Variants in CREB5 observed in about 807,000 individuals in gnomAD.
CREB5 encodes cyclic AMP-responsive element-binding protein 5.
A neutral mutation model predicts 57.1 loss-of-function variants in CREB5; 19 were observed. The observed-to-expected ratio is 0.33, with a 90% CI of 0.23 to 0.49. The LOEUF (loss-of-function observed/expected upper bound fraction) is 0.49. Ranked by LOEUF, CREB5 falls within the 20% of genes least tolerant of loss-of-function variation. CREB5 has a pLI of 0.99. For synonymous variants in CREB5, 238 were observed against 238.3 expected (o/e 1.00, Z 0.01); for missense variants, 579 against 671.6 (o/e 0.86, Z 1.52).
chr7:28,616,638 G>A (rs1401200327), intron 5 of CREB5, among the ~76,000 whole-genome samples: 1 of 151,948 alleles, frequency 6.6e-6, no homozygotes, highest in Non-Finnish European at 1.5e-5. Flanking sequence ...CAGAGTTAGT[G>A]GACTCCAGGC....
chr7:28,718,268 G>A (rs938015803), intron 5 of CREB5, among the ~76,000 whole-genome samples: 1 of 152,206 alleles, frequency 6.6e-6, no homozygotes, highest in Non-Finnish European at 1.5e-5. Context: ...GATTTCTGTT[G>A]GGAATTCATG....
Position 28,533,394 on chromosome 7 carries a change from G to A in CREB5, c.291+25657G>A, listed in dbSNP as rs115473392. On this transcript the variant is annotated intron_variant, in intron 4 of 10. Transcript: ENST00000357727. ...ATGGCGAGACCGCATAACTTGTTCC[G>A]GGCCATAAGACACATGGACACTCTG... is the stretch of plus-strand genomic sequence containing the variant. Among the ~76,000 whole-genome samples the A allele has an allele frequency of 6.9e-3, 1,052 of 152,238 alleles. 14 individuals carry two copies. The highest frequency in any genetic ancestry group is 0.023 in the African/African-American group (937 of 41,534).
intron 1 of CREB5, among the ~76,000 whole-genome samples, chr7:28,435,926 A>T (rs1242363405): frequency 6.6e-6 from 1 of 152,170 alleles, no homozygotes; most frequent in East Asian, 1.9e-4. Context: ...TATTTATATA[A>T]GAGGATTTGA....
intron 4 of CREB5, among the ~76,000 whole-genome samples, chr7:28,533,686 G>A (rs1331699430): frequency 6.6e-6 from 1 of 152,160 alleles, no homozygotes; most frequent in Non-Finnish European, 1.5e-5. Context: ...AATGAGCTCA[G>A]TCCTGTATTG....
intron 2 of CREB5, among the ~76,000 whole-genome samples, chr7:28,493,119 A>T (rs910004420): frequency 6.6e-6 from 1 of 152,216 alleles, no homozygotes; most frequent in Non-Finnish European, 1.5e-5. Flanking sequence ...GAATTCCTTC[A>T]TTCTCATGAA....
At chr7:28,517,250 C>T (rs1469916244) in intron 4 of CREB5, among the ~76,000 whole-genome samples, 1 of 152,176 alleles carries the variant, frequency 6.6e-6, no homozygotes, top group African/African-American at 2.4e-5. Context: ...GAAACTGTCT[C>T]TGCCTCCATC....
At chr7:28,465,439 A>G (rs760093581) in intron 1 of CREB5, among the ~76,000 whole-genome samples, 21 of 152,246 alleles carry the variant, frequency 1.4e-4, no homozygotes, top group Non-Finnish European at 4.4e-5. Context: ...TTGTATTTAT[A>G]TCATAAATGT....
chr7:28,514,276 G>T (rs1274750752), intron 4 of CREB5, among the ~76,000 whole-genome samples: 4 of 152,210 alleles, frequency 2.6e-5, no homozygotes, highest in Admixed American at 6.5e-5. Flanking sequence ...CAAAGTGAAG[G>T]GGGGAGGTGG....
chr7:28,662,683 C>T (rs183631221), intron 5 of CREB5, among the ~76,000 whole-genome samples: 49 of 152,234 alleles, frequency 3.2e-4, no homozygotes, highest in Middle Eastern at 3.4e-3. Context: ...TGCTGGGAGG[C>T]GCTGAGGAAG....
At chr7:28,479,962 G>A (rs17718306) in intron 1 of CREB5, among the ~76,000 whole-genome samples, 54,700 of 151,634 alleles carry the variant, frequency 0.36, 10,016 homozygotes, top group South Asian at 0.45. Context: ...CGTACATTGG[G>A]TGGACCAAAT....
chr7:28,381,768 G>T (rs1422719652), intron 1 of CREB5, among the ~76,000 whole-genome samples: 1 of 152,162 alleles, frequency 6.6e-6, no homozygotes, highest in African/African-American at 2.4e-5. Context: ...ACCATAGCGA[G>T]GTGGATAATC....
intron 4 of CREB5, among the ~76,000 whole-genome samples, chr7:28,529,836 T>C (rs1793644683): frequency 6.6e-6 from 1 of 152,242 alleles, no homozygotes; most frequent in Non-Finnish European, 1.5e-5. Context: ...ACACTTTGCT[T>C]TACCTTTCTA....
chr7:28,612,628 C>T (rs1463204406), intron 5 of CREB5, among the ~76,000 whole-genome samples: 1 of 142,402 alleles, frequency 7.0e-6, no homozygotes, highest in Non-Finnish European at 1.5e-5. Flanking sequence ...ATGTAAAATA[C>T]CACAGAAAGT....
intron 4 of CREB5, among the ~76,000 whole-genome samples, chr7:28,560,855 T>TGCGTGCGTGCGCGTGCGCGTGC: frequency 1.8e-5 from 1 of 56,430 alleles, no homozygotes; most frequent in Middle Eastern, 9.1e-3. Context: ...CGCGTGTGTG[T>TGCGTGCGTGCGCGTGCGCGTGC]GTGCGTGTGC....
At chr7:28,593,454 A>T (rs1301174238) in intron 5 of CREB5, among the ~76,000 whole-genome samples, 1 of 152,038 alleles carries the variant, frequency 6.6e-6, no homozygotes, top group East Asian at 1.9e-4. Context: ...TTACCATGTT[A>T]GCGAGGCTGG....
intron 5 of CREB5, among the ~76,000 whole-genome samples, chr7:28,631,565 G>A (rs1000585774): frequency 2.6e-5 from 4 of 152,018 alleles, no homozygotes; most frequent in Non-Finnish European, 4.4e-5. Flanking sequence ...CGGAGGGGGC[G>A]GCAGAGGGGA....
chr7:28,311,974 T>G (rs1453003750), intron 1 of CREB5, among the ~76,000 whole-genome samples: 1 of 152,172 alleles, frequency 6.6e-6, no homozygotes, highest in Non-Finnish European at 1.5e-5. Flanking sequence ...GACTTCTCCT[T>G]CCTTTCTTCC....
At chr7:28,301,925 C>T (rs1461998266) in intron 1 of CREB5, among the ~76,000 whole-genome samples, 8 of 152,054 alleles carry the variant, frequency 5.3e-5, no homozygotes, top group Non-Finnish European at 1.2e-4. Context: ...TGGAGGTTTG[C>T]CAAATAGGAA....
At chr7:28,634,656 T>C (rs924860861) in intron 5 of CREB5, among the ~76,000 whole-genome samples, 1 of 152,188 alleles carries the variant, frequency 6.6e-6, no homozygotes, top group East Asian at 1.9e-4. Context: ...GCTCTAGATG[T>C]GAGGCATTGA....
Sources: gnomAD v4.1 joint callset for allele counts (sites outside exome capture counted in the v4.1 genomes callset) on GRCh38, gnomAD v4.1.1 for gene constraint, MANE v1.5 for transcripts, NCBI Gene and HGNC (gene_info 2026-07-23, HGNC 2026-07-21) for gene names.